The following AIMP2 variants were observed in gnomAD, a reference collection of about 807,000 sequenced individuals.
The protein encoded by AIMP2 is aminoacyl tRNA synthetase complex interacting multifunctional protein 2, also known as aminoacyl tRNA synthase complex-interacting multifunctional protein 2.
In AIMP2, 20 loss-of-function variants were observed where a neutral mutation model predicts 23.4. The ratio of observed to expected loss-of-function variants is 0.85; its 90% CI spans 0.60 to 1.24. AIMP2 has a LOEUF of 1.24. Among genes scored for constraint, AIMP2 ranks in the 50% most tolerant of loss-of-function variants. The pLI, the probability that AIMP2 is intolerant of heterozygous loss-of-function variation, is 0.00. For missense variants in AIMP2, 515 were observed against 414.5 expected (o/e 1.24, Z -2.10); for synonymous variants, 210 against 170.4 (o/e 1.23, Z -1.81).
chr7:6,010,684 A>G (rs1342540834), intron 1 of AIMP2, among the ~76,000 whole-genome samples: 2 of 151,912 alleles, frequency 1.3e-5, no homozygotes, highest in Non-Finnish European at 2.9e-5. Flanking sequence ...CCTGACCTCA[A>G]GAGATCCACC....
rs754239135 is a variant in AIMP2, at chr7:6,023,502, C to T, written c.774C>T (p.Ser258=). 12 of 1,614,114 alleles carry T rather than the reference C, an allele frequency of 7.4e-6. 1 individual carries two copies. The East Asian group carries it at 1.8e-4, about 24-fold the overall frequency. ...SSKEKAAVFR[S]MNSALGKSPW... ...AAGAAAAAGCCGCTGTTTTCCGCTCCATGAACTCTGCTCTTGGGAAGAGCC... is the reference window on the plus strand; with the variant it reads ...AAGAAAAAGCCGCTGTTTTCCGCTCTATGAACTCTGCTCTTGGGAAGAGCC... The change falls in exon 4 of 4, where the codon TCC becomes TCT. Residue 258 remains serine, a synonymous_variant. Coordinates refer to ENST00000223029, the MANE Select transcript of AIMP2 (RefSeq NM_006303.4).
At chr7:6,012,619 G>A (rs1000130106) in intron 1 of AIMP2, 5 of 269,666 alleles carry the variant, frequency 1.9e-5, no homozygotes, top group Admixed American at 3.9e-5. Flanking sequence ...GTGCAATGTC[G>A]CAATCTCAGC....
intron 1 of AIMP2, among the ~76,000 whole-genome samples, chr7:6,012,236 G>A (rs1486314604): frequency 2.7e-5 from 4 of 146,408 alleles, no homozygotes; most frequent in African/African-American, 1.0e-4. Context: ...ATGGGCAACA[G>A]AGTAAAACCC....
rs1239916263 is a variant in AIMP2, at chr7:6,009,459, C to T, written c.96C>T (p.Gly32=). The T allele has an allele frequency of 2.5e-6, 4 of 1,609,368 alleles. No individual in the cohort carries two copies. Among genetic ancestry groups the T allele is most frequent in the East Asian group, 2.2e-5 (1 of 44,756 alleles). ...TGTACCGGCTCCCCAACGTGCACGG[C>T]AGGAGCTACGGCCCAGCGCCGGGCG... ...TCMYRLPNVH[G]RSYGPAPGAG... The change falls in exon 1 of 4, where the codon GGC becomes GGT. Residue 32 remains glycine, a synonymous_variant. Transcript: ENST00000223029.
At chr7:6,014,320 C>G (rs1354985909) in intron 1 of AIMP2, among the ~76,000 whole-genome samples, 2 of 124,890 alleles carry the variant, frequency 1.6e-5, no homozygotes, top group Admixed American at 2.1e-4. Context: ...TTCAGTGGTG[C>G]GATCTTGGCT....
intron 3 of AIMP2, among the ~76,000 whole-genome samples, chr7:6,018,840 G>A (rs1237256800): frequency 6.6e-6 from 1 of 151,156 alleles, no homozygotes; most frequent in Admixed American, 6.6e-5. Context: ...TCTCAAAAAA[G>A]AAAGAAAAAA....
chr7:6,013,775 C>G (rs1786847483), intron 1 of AIMP2, among the ~76,000 whole-genome samples: 1 of 152,062 alleles, frequency 6.6e-6, no homozygotes, highest in Non-Finnish European at 1.5e-5. Flanking sequence ...TAGCGCAGTT[C>G]TTTGTCTCTA....
chr7:6,017,078 C>G (rs1400528107), intron 2 of AIMP2: 2 of 152,264 alleles, frequency 1.3e-5, no homozygotes, highest in Non-Finnish European at 1.5e-5. Context: ...CTCCCCATCC[C>G]TCATCATCAA....
chr7:6,017,509 T>G, intron 2 of AIMP2, among the ~76,000 whole-genome samples: 1 of 137,048 alleles, frequency 7.3e-6, no homozygotes, highest in Non-Finnish European at 1.6e-5. Context: ...TGTGACAGAG[T>G]GAGACTCTGT....
At chr7:6,013,048 C>G in intron 1 of AIMP2, 1 of 846,142 alleles carries the variant, frequency 1.2e-6, no homozygotes, top group Non-Finnish European at 1.4e-6. Context: ...GGGAACAGCA[C>G]ATGTGAAGAT....
intron 3 of AIMP2, among the ~76,000 whole-genome samples, chr7:6,021,948 TC>T (rs1787455654): frequency 6.6e-6 from 1 of 151,798 alleles, no homozygotes; most frequent in Non-Finnish European, 1.5e-5. Context: ...CTTTCCTGCC[TC>T]CCTTTCTACC....
intron 1 of AIMP2, among the ~76,000 whole-genome samples, chr7:6,011,482 C>T (rs1786686506): frequency 6.6e-6 from 1 of 152,180 alleles, no homozygotes; most frequent in South Asian, 2.1e-4. Context: ...TGCAAACGTA[C>T]ATCCTAGGTT....
chr7:6,022,693 CTG>C (rs1349664790), intron 3 of AIMP2: 1 of 152,080 alleles, frequency 6.6e-6, no homozygotes, highest in African/African-American at 2.4e-5. Flanking sequence ...AAGGGGGGGA[CTG>C]TGAGCATTTG....
At chr7:6,020,780 A>T (rs1269168220) in intron 3 of AIMP2, among the ~76,000 whole-genome samples, 1 of 152,146 alleles carries the variant, frequency 6.6e-6, no homozygotes, top group Admixed American at 6.5e-5. Context: ...ATGGGAGGGA[A>T]CCACAAAGGA....
chr7:6,010,096 C>T (rs1429332223), intron 1 of AIMP2, among the ~76,000 whole-genome samples: 1 of 149,400 alleles, frequency 6.7e-6, no homozygotes, highest in African/African-American at 2.5e-5. Context: ...TTTGAGACCA[C>T]TCTCAGCAAC....
chr7:6,010,286 C>T (rs991849727), intron 1 of AIMP2, among the ~76,000 whole-genome samples: 6 of 151,792 alleles, frequency 4.0e-5, no homozygotes, highest in Non-Finnish European at 7.4e-5. Context: ...CCCAGGGTCA[C>T]CATGGCCCAG....
intron 3 of AIMP2, 87 bp downstream of exon 3, chr7:6,018,132 AT>A (rs1286136181): frequency 4.9e-6 from 4 of 821,830 alleles, no homozygotes; most frequent in Admixed American, 3.3e-5. Context: ...TTACATGTGG[AT>A]TTTTTTCTTT....
intron 1 of AIMP2, among the ~76,000 whole-genome samples, chr7:6,011,517 C>G (rs1251023864): frequency 1.3e-5 from 2 of 152,176 alleles, no homozygotes; most frequent in African/African-American, 4.8e-5. Flanking sequence ...CAGGCCTGTC[C>G]ATTTCTGACA....
At chr7:6,018,587 G>C (rs1260331817) in intron 3 of AIMP2, among the ~76,000 whole-genome samples, 1 of 151,896 alleles carries the variant, frequency 6.6e-6, no homozygotes, top group Non-Finnish European at 1.5e-5. Flanking sequence ...TGTAATCCCA[G>C]CACTTTGTGA....
Sources: gnomAD v4.1 joint callset for allele counts (sites outside exome capture counted in the v4.1 genomes callset) on GRCh38, gnomAD v4.1.1 for gene constraint, MANE v1.5 for transcripts, NCBI Gene and HGNC (gene_info 2026-07-23, HGNC 2026-07-21) for gene names.